Variants in ATXN2 observed in about 807,000 individuals in gnomAD.
ATXN2 encodes ataxin 2, also known as ataxin-2.
A neutral mutation model predicts 138.6 loss-of-function variants in ATXN2; 37 were observed. The ratio of observed to expected loss-of-function variants is 0.27; its 90% CI spans 0.21 to 0.35. The LOEUF is 0.35. Among genes scored for constraint, ATXN2 ranks in the 10% least tolerant of loss-of-function variants. ATXN2 has a pLI of 1.00. For missense variants in ATXN2, 1,216 were observed against 1,480.3 expected, an observed-to-expected ratio of 0.82 and a Z score of 2.93; for synonymous variants, 549 against 543.7, an observed-to-expected ratio of 1.01 and a Z score of -0.13.
chr12:111,537,562 G>C (rs1463358882), intron 5 of ATXN2, among the ~76,000 whole-genome samples: 1 of 141,770 alleles, frequency 7.1e-6, no homozygotes, highest in Non-Finnish European at 1.5e-5. Flanking sequence ...CAGCCTGGGC[G>C]ACACAGTGAG....
rs539036498 is a variant in ATXN2, at chr12:111,598,249, G to A, written c.251+535C>T. On this transcript the variant is annotated intron_variant, in intron 1 of 24. Coordinates refer to ENST00000673436, the MANE Select transcript of ATXN2 (RefSeq NM_001372574.1). The surrounding 1 kb of genome is among the most constrained non-coding windows in gnomAD (Gnocchi z 4.5). The stretch of plus-strand genomic sequence containing the variant: ...GGAGAGAGCCCCGACAGACCCTGAT[G>A]ATTCCGGAGGAGCCCGGTGCCTACC... The A allele has an allele frequency of 1.9e-6, 2 of 1,029,982 alleles. No homozygotes were observed. The highest frequency in any genetic ancestry group is 7.1e-5 in the South Asian group (2 of 28,210). 63.8% of individuals were successfully genotyped at this position (1,029,982 alleles called of 1,614,324 possible).
At chr12:111,594,766 T>C (rs145618127) in intron 1 of ATXN2, among the ~76,000 whole-genome samples, 1,769 of 152,272 alleles carry the variant, frequency 0.012, 15 homozygotes, top group Non-Finnish European at 0.017. Context: ...AATAACTTGG[T>C]CATAGGCTAG....
In ATXN2 at chr12:111,513,485, G is replaced by A. The variant is rs1879665723; in HGVS notation, c.1430C>T (p.Ser477Phe). The change falls in exon 11 of 25, where the codon TCT (serine) becomes TTT (phenylalanine). Residue 477 changes from serine (S) to phenylalanine (F), a missense_variant. Physicochemically the swap from Ser to Phe is radical, Grantham distance 155. This residue lies in a region of ATXN2 where 401 missense variants were observed against 528.1 expected (regional missense o/e 0.76). Transcript: ENST00000673436. The part of the protein sequence containing the change: ...AQRHPRNHRV[S>F]AGRGSISSGL... The stretch of plus-strand genomic sequence containing the variant: ...ACTGGATATGGAACCCCTCCCAGCA[G>A]AAACTCTGTGATTTCGAGGATGTCG... The A allele has an allele frequency of 6.2e-7, 1 of 1,614,022 alleles. No homozygotes were observed. Among genetic ancestry groups the A allele is most frequent in the South Asian group, 1.1e-5 (1 of 91,068 alleles).
intron 14 of ATXN2, among the ~76,000 whole-genome samples, chr12:111,493,952 A>C (rs978357619): frequency 6.6e-6 from 1 of 150,906 alleles, no homozygotes; most frequent in Non-Finnish European, 1.5e-5. Context: ...TTGTTTTTTG[A>C]GACAGTCTTA....
intron 1 of ATXN2, among the ~76,000 whole-genome samples, chr12:111,591,728 T>C (rs1436453173): frequency 6.6e-6 from 1 of 152,166 alleles, no homozygotes; most frequent in African/African-American, 2.4e-5. Context: ...TTAGAGTTTT[T>C]GCCTTCCATT....
At chr12:111,463,230 C>T (rs1875727192) in intron 21 of ATXN2, among the ~76,000 whole-genome samples, 2 of 152,286 alleles carry the variant, frequency 1.3e-5, no homozygotes, top group South Asian at 4.2e-4. Flanking sequence ...GCACAAATTT[C>T]TAAAGGATTT....
intron 1 of ATXN2, among the ~76,000 whole-genome samples, chr12:111,597,437 G>A (rs866642043): frequency 2.0e-5 from 3 of 152,210 alleles, no homozygotes; most frequent in South Asian, 2.1e-4. Flanking sequence ...GCACAGTAGT[G>A]CCTACAACAC....
At chr12:111,567,541 C>T (rs1480078645) in intron 1 of ATXN2, among the ~76,000 whole-genome samples, 9 of 151,062 alleles carry the variant, frequency 6.0e-5, no homozygotes, top group Non-Finnish European at 1.0e-4. Flanking sequence ...TGGCCTGGCA[C>T]AGTGGCTCAT....
chr12:111,469,816 TG>T, intron 20 of ATXN2: 1 of 405,788 alleles, frequency 2.5e-6, no homozygotes, highest in Non-Finnish European at 4.3e-6. Context: ...AGCATAATAT[TG>T]ATGAGGAAGA....
At chr12:111,464,862 A>G in intron 20 of ATXN2, 147 bp from the exon 21 acceptor site, 1 of 621,922 alleles carries the variant, frequency 1.6e-6, no homozygotes, top group Non-Finnish European at 2.9e-6. Flanking sequence ...AAACACTGCT[A>G]CAGAATTTTA....
chr12:111,555,895 C>G lies in ATXN2; in HGVS notation c.276G>C (p.Leu92=), dbSNP rs745770238. The change falls in exon 2 of 25, where the codon CTG becomes CTC. Residue 92 remains leucine (L), a synonymous_variant. Coordinates refer to ENST00000673436, the MANE Select transcript of ATXN2 (RefSeq NM_001372574.1). ...LGRGRNSNKG[L]PQSTISFDGI... ...TAAAGTTACTCACCGTAGACTGAGG[C>G]AGTCCTTTGTTACTGTTTCGACCTC... is the stretch of plus-strand genomic sequence containing the variant. 1.9e-6 allele frequency: 3 copies of G among 1,603,834 alleles called. No homozygotes were observed. Among genetic ancestry groups the G allele is most frequent in the Non-Finnish European group, 2.6e-6 (3 of 1,175,864 alleles).
intron 1 of ATXN2, among the ~76,000 whole-genome samples, chr12:111,577,069 A>G (rs1337278036): frequency 1.3e-5 from 2 of 151,530 alleles, no homozygotes; most frequent in Non-Finnish European, 2.9e-5. Context: ...GGCCTCCCAA[A>G]GTGCTGGGAT....
Position 111,510,015 on chromosome 12 carries a change from T to A in ATXN2, c.1757-17A>T, listed in dbSNP as rs530062154. Reference sequence around the variant, plus strand: ...AATCTTTAGCTAGAAAACAATTTTTTAAAAAAAATTCAGATAAGTTAGAAA... The same window carrying A: ...AATCTTTAGCTAGAAAACAATTTTTAAAAAAAAATTCAGATAAGTTAGAAA... On this transcript the variant is annotated splice_polypyrimidine_tract_variant and intron_variant, in intron 12 of 24. Transcript: ENST00000673436. 6.4e-5 allele frequency: 99 copies of A among 1,542,904 alleles called. 1 individual carries two copies. Among genetic ancestry groups the A allele is most frequent in the Admixed American group, 5.0e-4 (26 of 51,558 alleles).
chr12:111,487,069 G>T (rs1462877536), intron 15 of ATXN2, among the ~76,000 whole-genome samples: 1 of 151,724 alleles, frequency 6.6e-6, no homozygotes, highest in African/African-American at 2.4e-5. Flanking sequence ...CCTCTCAAAG[G>T]CAATCAAAAA....
chr12:111,577,108 C>G (rs1225778245), intron 1 of ATXN2, among the ~76,000 whole-genome samples: 1 of 150,964 alleles, frequency 6.6e-6, no homozygotes, highest in Non-Finnish European at 1.5e-5. Context: ...CGCCTGGCCA[C>G]GACAAGTTAA....
chr12:111,575,584 G>A (rs1191148105), intron 1 of ATXN2, among the ~76,000 whole-genome samples: 4 of 151,976 alleles, frequency 2.6e-5, no homozygotes, highest in Admixed American at 2.6e-4. Context: ...AGGTGGCAGG[G>A]GCAATGAGAA....
chr12:111,542,248 T>C (rs1881561525), intron 5 of ATXN2, among the ~76,000 whole-genome samples: 1 of 151,388 alleles, frequency 6.6e-6, no homozygotes. Flanking sequence ...TTTTTGTTTT[T>C]GAGACAGAGT....
chr12:111,488,000 G>A (rs957803960), intron 15 of ATXN2, among the ~76,000 whole-genome samples: 1 of 152,098 alleles, frequency 6.6e-6, no homozygotes, highest in Admixed American at 6.6e-5. Context: ...TATACTGAAT[G>A]TGCAGAATTA....
chr12:111,590,599 C>T (rs188702040), intron 1 of ATXN2, among the ~76,000 whole-genome samples: 5 of 151,722 alleles, frequency 3.3e-5, no homozygotes, highest in Non-Finnish European at 5.9e-5. Context: ...GCAGGAGAAT[C>T]GCTTGAACCC....
Sources: allele counts gnomAD v4.1 joint callset (sites outside exome capture counted in the v4.1 genomes callset), GRCh38; gene constraint gnomAD v4.1.1; regional missense constraint gnomAD v4.1.1; non-coding constraint Gnocchi (gnomAD v3.1); transcripts MANE v1.5; gene names NCBI Gene and HGNC (gene_info 2026-07-23, HGNC 2026-07-21).